ATRN: variants seen among roughly 807,000 people sequenced by gnomAD.
ATRN encodes the protein attractin, also known as attractin-2.
A neutral mutation model predicts 178.7 loss-of-function variants in ATRN; 54 were observed. The observed-to-expected ratio is 0.30, with a 90% CI of 0.24 to 0.38. The LOEUF (loss-of-function observed/expected upper bound fraction) is 0.38. Among genes scored for constraint, ATRN ranks in the 10% least tolerant of loss-of-function variants. The probability of loss-of-function intolerance (pLI) is 1.00; values close to 1 mark genes in which losing one functional copy is unlikely to be tolerated. For missense variants in ATRN, 1,443 were observed against 1,815.1 expected (o/e 0.79, Z 3.73); for synonymous variants, 636 against 663.0 (o/e 0.96, Z 0.63).
At chr20:3,606,864 G>A (rs1450035816) in intron 24 of ATRN, among the ~76,000 whole-genome samples, 1 of 152,070 alleles carries the variant, frequency 6.6e-6, no homozygotes, top group Non-Finnish European at 1.5e-5. Flanking sequence ...ATTATAATTT[G>A]AGGAGTTTTC....
intron 1 of ATRN, among the ~76,000 whole-genome samples, chr20:3,474,855 T>A (rs238730): frequency 0.35 from 52,615 of 150,170 alleles, 10,108 homozygotes; most frequent in African/African-American, 0.48. Flanking sequence ...ACATAGTGAA[T>A]CCCCGTCTCT....
At chr20:3,557,658 A>G (rs999979396) in intron 6 of ATRN, among the ~76,000 whole-genome samples, 1 of 152,230 alleles carries the variant, frequency 6.6e-6, no homozygotes, top group African/African-American at 2.4e-5. Context: ...AGGACTAAAT[A>G]ACTATGGAAT....
chr20:3,592,206 C>T (rs575420022), intron 19 of ATRN, among the ~76,000 whole-genome samples: 4 of 152,192 alleles, frequency 2.6e-5, no homozygotes, highest in African/African-American at 9.6e-5. Flanking sequence ...TTGAGACCAG[C>T]CTGACCAACA....
chr20:3,513,131 T>C (rs898168413), intron 1 of ATRN, among the ~76,000 whole-genome samples: 3 of 152,196 alleles, frequency 2.0e-5, no homozygotes, highest in African/African-American at 4.8e-5. Context: ...CATTTGTCAA[T>C]TTTAGCTTTT....
At chr20:3,563,957 A>G (rs1309816331) in intron 10 of ATRN, among the ~76,000 whole-genome samples, 1 of 152,232 alleles carries the variant, frequency 6.6e-6, no homozygotes, top group Admixed American at 6.5e-5. Flanking sequence ...TTATAAATCC[A>G]TCACCGCCAT....
chr20:3,511,422 G>T (rs1258907251), intron 1 of ATRN, among the ~76,000 whole-genome samples: 1 of 151,814 alleles, frequency 6.6e-6, no homozygotes, highest in East Asian at 1.9e-4. Context: ...AAAATCAGGA[G>T]GATTTTTTTT....
intron 14 of ATRN, among the ~76,000 whole-genome samples, chr20:3,577,761 A>C: frequency 6.6e-6 from 1 of 152,136 alleles, no homozygotes; most frequent in East Asian, 1.9e-4. Flanking sequence ...TTCTGGTGCA[A>C]GTGTGGGGTG....
At chr20:3,485,305 CCTT>C (rs1250583976) in intron 1 of ATRN, among the ~76,000 whole-genome samples, 1 of 152,054 alleles carries the variant, frequency 6.6e-6, no homozygotes, top group Non-Finnish European at 1.5e-5. Flanking sequence ...ACTGTATACA[CCTT>C]CTTTCTTTTT....
At chr20:3,505,194 C>T (rs1173471573) in intron 1 of ATRN, among the ~76,000 whole-genome samples, 2 of 152,126 alleles carry the variant, frequency 1.3e-5, no homozygotes, top group African/African-American at 2.4e-5. Flanking sequence ...TGTTTGAGGG[C>T]GTAGATAGAA....
chr20:3,602,335 A>AT (rs1434692732), intron 23 of ATRN, among the ~76,000 whole-genome samples: 1 of 152,156 alleles, frequency 6.6e-6, no homozygotes, highest in East Asian at 1.9e-4. Flanking sequence ...ATCTCAAAAA[A>AT]AAAAAATAAA....
At chr20:3,572,666 A>G (rs1333332017) in intron 11 of ATRN, 65 bp from the exon 12 acceptor site, 3 of 1,427,396 alleles carry the variant, frequency 2.1e-6, no homozygotes, top group Non-Finnish European at 1.9e-6. Context: ...AAAAAAAAAA[A>G]AAGTATAGCA....
At chr20:3,539,981 C>T (rs1173474606) in intron 2 of ATRN, among the ~76,000 whole-genome samples, 1 of 152,132 alleles carries the variant, frequency 6.6e-6, no homozygotes, top group Non-Finnish European at 1.5e-5. Context: ...AAAGAGTGGC[C>T]ACTGAATGGA....
chr20:3,526,937 G>A (rs2085373380), intron 1 of ATRN, among the ~76,000 whole-genome samples: 1 of 152,014 alleles, frequency 6.6e-6, no homozygotes, highest in South Asian at 2.1e-4. Flanking sequence ...ATTGAAGATG[G>A]ATTAAAGACT....
At chr20:3,630,816 C>T (rs761249867) in intron 25 of ATRN, among the ~76,000 whole-genome samples, 21 of 147,342 alleles carry the variant, frequency 1.4e-4, no homozygotes, top group African/African-American at 4.5e-4. Context: ...TACTAACTAG[C>T]GATGATAAAC....
intron 11 of ATRN, among the ~76,000 whole-genome samples, chr20:3,570,430 G>C (rs563187711): frequency 1.3e-5 from 2 of 151,928 alleles, no homozygotes; most frequent in South Asian, 4.2e-4. Flanking sequence ...TCACTTCATA[G>C]GTTTATTTCT....
chr20:3,602,111 C>T (rs969163219), intron 23 of ATRN, among the ~76,000 whole-genome samples: 1 of 151,914 alleles, frequency 6.6e-6, no homozygotes, highest in Non-Finnish European at 1.5e-5. Flanking sequence ...GGAAGATCAC[C>T]TGAGGTCAAG....
At chr20:3,540,084 G>A in intron 2 of ATRN, 138 bp from the exon 3 acceptor site, 4 of 516,564 alleles carry the variant, frequency 7.7e-6, no homozygotes, top group African/African-American at 3.9e-5. Context: ...ATAAATCTTT[G>A]ACAAATGAAG....
intron 23 of ATRN, among the ~76,000 whole-genome samples, chr20:3,602,834 G>A (rs1438739684): frequency 2.0e-5 from 3 of 151,520 alleles, no homozygotes; most frequent in African/African-American, 4.9e-5. Context: ...GTGGTGGGGC[G>A]TGCCTGTAAT....
intron 1 of ATRN, among the ~76,000 whole-genome samples, chr20:3,511,104 A>G (rs1029052541): frequency 1.3e-5 from 2 of 152,200 alleles, no homozygotes; most frequent in Non-Finnish European, 2.9e-5. Context: ...AGATACAGCT[A>G]ATGGCATTCT....
Sources: allele counts gnomAD v4.1 joint callset (sites outside exome capture counted in the v4.1 genomes callset), GRCh38; gene constraint gnomAD v4.1.1; transcripts MANE v1.5; gene names NCBI Gene and HGNC (gene_info 2026-07-23, HGNC 2026-07-21).